Variants in C1orf141 observed in about 807,000 individuals in gnomAD.
The protein encoded by C1orf141 is chromosome 1 open reading frame 141.
A neutral mutation model predicts 23.2 loss-of-function variants in C1orf141; 19 were observed. The observed-to-expected ratio is 0.82, with a 90% CI of 0.57 to 1.20. C1orf141 has a LOEUF of 1.20. Among genes scored for constraint, C1orf141 ranks in the 50% most tolerant of loss-of-function variants. C1orf141 has a pLI of 0.00. For synonymous variants in C1orf141, 153 were observed against 154.6 expected, an observed-to-expected ratio of 0.99 and a Z score of 0.08; for missense variants, 469 against 455.1, an observed-to-expected ratio of 1.03 and a Z score of -0.28.
intron 5 of C1orf141, among the ~76,000 whole-genome samples, chr1:67,105,877 A>T (rs1408586001): frequency 6.6e-6 from 1 of 152,200 alleles, no homozygotes; most frequent in Non-Finnish European, 1.5e-5. Context: ...GGCCAGAAGA[A>T]CCAGAAGACA....
chr1:67,095,603 TAGGAGTGGAAGCAAGAG>T (rs1645659366), intron 6 of C1orf141, 182 bp from the exon 7 acceptor site: 8 of 492,182 alleles, frequency 1.6e-5, no homozygotes, highest in Non-Finnish European at 1.8e-5. Context: ...ACAGCAAGAG[TAGGAGTGGAAGCAAGAG>T]AGTCATATAT....
At chr1:67,132,451 T>C (rs1398099400) in intron 1 of C1orf141, among the ~76,000 whole-genome samples, 2 of 151,798 alleles carry the variant, frequency 1.3e-5, no homozygotes, top group African/African-American at 2.4e-5. Flanking sequence ...TGAACCCAGG[T>C]GGCGGAGGTT....
Position 67,092,912 on chromosome 1 carries a change from A to G in C1orf141, c.*93T>C. 1 of 979,164 alleles carries G rather than the reference A, an allele frequency of 1.0e-6. No individual in the cohort carries two copies. The highest frequency in any genetic ancestry group is 1.5e-6 in the Non-Finnish European group (1 of 661,662). 60.7% of individuals were successfully genotyped at this position (979,164 alleles called of 1,614,324 possible). A position where few individuals can be genotyped will look rare whatever the true frequency, so the allele number is the denominator to read the frequency against. The stretch of plus-strand genomic sequence containing the variant: ...GCTTTGCTTTCTTATATGATCAATT[A>G]GAACATTACTATTTGGATAAGAATT... On this transcript the variant is annotated 3_prime_UTR_variant, in exon 8 of 8. Transcript: ENST00000684719.
chr1:67,132,305 A>G (rs1456811545), intron 1 of C1orf141, among the ~76,000 whole-genome samples: 8 of 151,978 alleles, frequency 5.3e-5, no homozygotes, highest in Non-Finnish European at 1.2e-4. Flanking sequence ...GGATCACTTC[A>G]AGTCAGGAGT....
At position 67,093,189 on chromosome 1, in the gene C1orf141, A is replaced by T. The variant is rs373816272; in HGVS notation, c.1019T>A (p.Met340Lys). The change falls in exon 8 of 8, where the codon ATG becomes AAG. Residue 340 changes from methionine (M) to lysine (K), a missense_variant. By Grantham distance (95) the Met-to-Lys change is moderately conservative. Coordinates refer to ENST00000684719, the MANE Select transcript of C1orf141 (RefSeq NM_001276351.2). ...GYLDKAVIHE[M>K]SAQTGKFERM... ...TTCAAATTTTCCAGTTTGGGCACTCATTTCATGAATAACAGCTTTATCAAG... is the reference window on the plus strand; with the variant it reads ...TTCAAATTTTCCAGTTTGGGCACTCTTTTCATGAATAACAGCTTTATCAAG... The T allele has an allele frequency of 6.3e-6, 10 of 1,584,506 alleles. No individual in the cohort carries two copies. The highest frequency in any genetic ancestry group is 8.7e-6 in the Non-Finnish European group (10 of 1,154,548).
At chr1:67,109,151 C>A (rs981990098) in intron 5 of C1orf141, among the ~76,000 whole-genome samples, 3 of 151,852 alleles carry the variant, frequency 2.0e-5, no homozygotes, top group African/African-American at 7.3e-5. Flanking sequence ...CACGGTGAAA[C>A]CCCGTCTCTA....
intron 5 of C1orf141, among the ~76,000 whole-genome samples, chr1:67,100,103 A>G (rs1645764208): frequency 6.6e-6 from 1 of 152,180 alleles, no homozygotes; most frequent in Non-Finnish European, 1.5e-5. Flanking sequence ...TGATAAATAT[A>G]TGCACTCATG....
chr1:67,101,929 T>C (rs1645809359), intron 5 of C1orf141, among the ~76,000 whole-genome samples: 1 of 152,118 alleles, frequency 6.6e-6, no homozygotes, highest in Non-Finnish European at 1.5e-5. Flanking sequence ...CCTTAAGGGA[T>C]AATGTAGTAA....
chr1:67,105,849 A>G (rs1645914920), intron 5 of C1orf141, among the ~76,000 whole-genome samples: 1 of 152,194 alleles, frequency 6.6e-6, no homozygotes, highest in African/African-American at 2.4e-5. Flanking sequence ...ATTCTGCTAG[A>G]AAAACCACGT....
intron 2 of C1orf141, among the ~76,000 whole-genome samples, chr1:67,128,353 CTTTATTTATTTATTTATTTATTTATTTA>C (rs142954688): frequency 2.3e-4 from 34 of 147,486 alleles, no homozygotes; most frequent in Admixed American, 1.5e-3. Context: ...CCAAAGCTCC[CTTTATTTATTTATTTATTTATTTATTTA>C]TTTATTTATT....
intron 4 of C1orf141, chr1:67,122,366 G>C (rs1330981025): frequency 1.3e-5 from 2 of 152,108 alleles, no homozygotes; most frequent in Non-Finnish European, 2.9e-5. Flanking sequence ...CCTGAATCAA[G>C]AATAAGCAAT....
At chr1:67,095,585 G>T in intron 6 of C1orf141, 164 bp from the exon 7 acceptor site, 1 of 505,900 alleles carries the variant, frequency 2.0e-6, no homozygotes, top group Non-Finnish European at 3.4e-6. Flanking sequence ...CCTGGTTTGT[G>T]GGAGAAAACA....
upstream of C1orf141, among the ~76,000 whole-genome samples, chr1:67,135,186 A>G (rs1646574908): frequency 2.0e-5 from 3 of 152,266 alleles, no homozygotes; most frequent in Admixed American, 6.5e-5. Flanking sequence ...AGAGTCAAGT[A>G]AAAGAAGAAG....
chr1:67,139,645 C>T (rs1451728315), upstream of C1orf141, among the ~76,000 whole-genome samples: 1 of 152,170 alleles, frequency 6.6e-6, no homozygotes, highest in African/African-American at 2.4e-5. Flanking sequence ...GAATATTTGT[C>T]CCCTCCGAAA....
At chr1:67,113,516 C>T (rs1042418332) in intron 5 of C1orf141, 66 of 266,260 alleles carry the variant, frequency 2.5e-4, no homozygotes, top group South Asian at 2.3e-3. Flanking sequence ...CAGGTGTGTA[C>T]TACCATGCCC....
At chr1:67,129,434 C>T (rs966235164) in intron 2 of C1orf141, among the ~76,000 whole-genome samples, 2 of 152,086 alleles carry the variant, frequency 1.3e-5, no homozygotes, top group South Asian at 2.1e-4. Context: ...TTCTGCACCC[C>T]GGCTTGGGTG....
chr1:67,109,251 C>T (rs1646008163), intron 5 of C1orf141, among the ~76,000 whole-genome samples: 2 of 140,664 alleles, frequency 1.4e-5, no homozygotes, highest in Non-Finnish European at 3.0e-5. Context: ...GGCCTGAACG[C>T]AGGAGGCAGA....
intron 2 of C1orf141, among the ~76,000 whole-genome samples, chr1:67,130,858 C>T (rs1646503244): frequency 6.6e-6 from 1 of 152,112 alleles, no homozygotes; most frequent in African/African-American, 2.4e-5. Context: ...TTCTTTTCTC[C>T]CATCGGTCTT....
At chr1:67,133,107 T>C (rs957090426) in intron 1 of C1orf141, among the ~76,000 whole-genome samples, 1 of 152,222 alleles carries the variant, frequency 6.6e-6, no homozygotes, top group Non-Finnish European at 1.5e-5. Flanking sequence ...AACAATTTTA[T>C]TTTAACAGCA....
Sources: allele counts gnomAD v4.1 joint callset (sites outside exome capture counted in the v4.1 genomes callset), GRCh38; gene constraint gnomAD v4.1.1; transcripts MANE v1.5; gene names NCBI Gene and HGNC (gene_info 2026-07-23, HGNC 2026-07-21).